The following RAB14 variants were observed in gnomAD, a reference collection of about 807,000 sequenced individuals.
RAB14 encodes the protein RAB14, member RAS oncogene family, also known as ras-related protein Rab-14.
Under a neutral mutation model 31.1 loss-of-function variants are expected in RAB14, and 3 were observed. The observed-to-expected ratio is 0.10, with a 90% CI of 0.04 to 0.25. The LOEUF is 0.25. Among genes scored for constraint, RAB14 ranks in the 10% least tolerant of loss-of-function variants. RAB14 has a pLI of 1.00. For synonymous variants in RAB14, 85 were observed against 84.9 expected (o/e 1.00, Z 0.00); for missense variants, 111 against 260.1 (o/e 0.43, Z 3.94).
chr9:121,193,462 T>C (rs752655440), intron 1 of RAB14, 43 bp from the exon 2 acceptor site: 13 of 1,313,618 alleles, frequency 9.9e-6, no homozygotes, highest in Middle Eastern at 1.9e-4. Flanking sequence ...GGAAAGCATA[T>C]ACAAGTAATT....
intron 4 of RAB14, among the ~76,000 whole-genome samples, chr9:121,188,738 C>T (rs570056956): frequency 6.6e-6 from 1 of 152,132 alleles, no homozygotes; most frequent in East Asian, 1.9e-4. Flanking sequence ...ACCAAAGTCA[C>T]TATAAAGTAT....
At chr9:121,192,869 T>C (rs2053694621) in intron 2 of RAB14, among the ~76,000 whole-genome samples, 1 of 152,132 alleles carries the variant, frequency 6.6e-6, no homozygotes, top group African/African-American at 2.4e-5. Context: ...TGTAGTTTTA[T>C]GTTTGGATAA....
rs1033101445 is a variant in RAB14 at position 121,181,660 on chromosome 9, G to A, written c.471-87C>T. ...ACCTTTTGCTAATCTTTAGTTAACT[G>A]CCATGATGTCTCCAACTTAACCACT... On this transcript the variant is annotated intron_variant, in intron 7 of 7. Coordinates refer to ENST00000373840, the MANE Select transcript of RAB14 (RefSeq NM_016322.4). 5 of 1,056,532 alleles carry A rather than the reference G, an allele frequency of 4.7e-6. No individual in the cohort carries two copies. The African/African-American group carries it at 7.9e-5, about 17-fold the overall frequency. 65.4% of individuals were successfully genotyped at this position (1,056,532 alleles called of 1,614,324 possible).
chr9:121,188,268 T>TAC (rs1445135365), intron 4 of RAB14, among the ~76,000 whole-genome samples: 2 of 152,016 alleles, frequency 1.3e-5, no homozygotes, highest in Non-Finnish European at 1.5e-5. Context: ...CTTGACTTTA[T>TAC]ACAACAGGTA....
At chr9:121,194,732 A>G (rs1482778984) in intron 1 of RAB14, among the ~76,000 whole-genome samples, 1 of 152,180 alleles carries the variant, frequency 6.6e-6, no homozygotes, top group African/African-American at 2.4e-5. Context: ...TGAAATTATC[A>G]CCTTACTATA....
chr9:121,194,363 G>T (rs913946887), intron 1 of RAB14, among the ~76,000 whole-genome samples: 2 of 152,150 alleles, frequency 1.3e-5, no homozygotes, highest in Non-Finnish European at 2.9e-5. Context: ...TATTTCAAAA[G>T]ATCACAGCCC....
At chr9:121,200,417 G>T (rs187685423) in intron 1 of RAB14, among the ~76,000 whole-genome samples, 10 of 152,278 alleles carry the variant, frequency 6.6e-5, no homozygotes, top group Admixed American at 6.5e-4. Flanking sequence ...AGTAAACTTT[G>T]CAAGAGTTCA....
Position 121,186,583 on chromosome 9 carries a change from T to C in RAB14, c.351+370A>G, listed in dbSNP as rs2053660366. Among the ~76,000 whole-genome samples the C allele has an allele frequency of 1.3e-5, 2 of 152,146 alleles. 1 individual carries two copies. The highest frequency in any genetic ancestry group is 4.1e-4 in the South Asian group (2 of 4,834). ...GGTAACGCAGATTCACATGCAGTTG[T>C]AAAAAACAGTACAGAAAGATCTCTT... On this transcript the variant is annotated intron_variant, in intron 5 of 7. Transcript: ENST00000373840.
At chr9:121,188,276 G>C (rs2053668485) in intron 4 of RAB14, among the ~76,000 whole-genome samples, 1 of 151,826 alleles carries the variant, frequency 6.6e-6, no homozygotes, top group African/African-American at 2.4e-5. Flanking sequence ...TATACAACAG[G>C]TATGTTTTAC....
At chr9:121,187,153 T>G (rs1431277450) in intron 4 of RAB14, 134 bp from the exon 5 acceptor site, 1 of 483,076 alleles carries the variant, frequency 2.1e-6, no homozygotes, top group Non-Finnish European at 3.5e-6. Context: ...GAACAGTAGT[T>G]GTGAAATACA....
Position 121,181,276 on chromosome 9 carries a change from T to C in RAB14, c.*120A>G. The C allele has an allele frequency of 9.1e-7, 1 of 1,100,076 alleles. No homozygotes were observed. The highest frequency in any genetic ancestry group is 1.2e-6 in the Non-Finnish European group (1 of 806,368). 68.1% of individuals were successfully genotyped at this position (1,100,076 alleles called of 1,614,324 possible). A position where few individuals can be genotyped will look rare whatever the true frequency, so the allele number is the denominator to read the frequency against. ...GTGTTAAACTGTTTTTACAACAGAGTTTTTTCTTTTTTTTTAATTAAACCC... is the reference window on the plus strand; with the variant it reads ...GTGTTAAACTGTTTTTACAACAGAGCTTTTTCTTTTTTTTTAATTAAACCC... On this transcript the variant is annotated 3_prime_UTR_variant, in exon 8 of 8. Transcript: ENST00000373840.
rs548377280 is a variant in RAB14 at position 121,178,861 on chromosome 9, A to G, written c.*2535T>C. 4.6e-5 allele frequency: 7 copies of G among 152,390 alleles called. No homozygotes were observed. Among genetic ancestry groups the G allele is most frequent in the Admixed American group, 4.6e-4 (7 of 15,306 alleles). The allele number at this position is 152,390 out of a possible 1,614,324, so 9.4% of individuals were successfully genotyped here. A position where few individuals can be genotyped will look rare whatever the true frequency, so the allele number is the denominator to read the frequency against. On this transcript the variant is annotated 3_prime_UTR_variant, in exon 8 of 8. Coordinates refer to ENST00000373840, the MANE Select transcript of RAB14 (RefSeq NM_016322.4). ...GCAACCTCAAGAGGCAGGTGACTGCACAAGCAGTAAGCTATGGATTAAAAA... is the reference window on the plus strand; with the variant it reads ...GCAACCTCAAGAGGCAGGTGACTGCGCAAGCAGTAAGCTATGGATTAAAAA...
At chr9:121,193,532 G>A in intron 1 of RAB14, 113 bp from the exon 2 acceptor site, 1 of 680,602 alleles carries the variant, frequency 1.5e-6, no homozygotes, top group South Asian at 1.8e-5. Context: ...AACAAATGTT[G>A]GTTACAGTAA....
rs905772208 is a variant in RAB14, at chr9:121,181,388, A to G, written c.*8T>C. On this transcript the variant is annotated 3_prime_UTR_variant, in exon 8 of 8. Coordinates refer to ENST00000373840, the MANE Select transcript of RAB14 (RefSeq NM_016322.4). ...AAGGTCAAATGAGGGGCCACAGCAA[A>G]GAGGTCACTAGCAGCCACAGCCTTC... The G allele has an allele frequency of 1.3e-6, 2 of 1,583,878 alleles. No individual in the cohort carries two copies. The highest frequency in any genetic ancestry group is 8.6e-7 in the Non-Finnish European group (1 of 1,158,392).
At chr9:121,198,938 T>TAA (rs5900475) in intron 1 of RAB14, among the ~76,000 whole-genome samples, 207 of 150,432 alleles carry the variant, frequency 1.4e-3, no homozygotes, top group Middle Eastern at 3.4e-3. Context: ...CCCACCCACT[T>TAA]AAAAAAAAAA....
chr9:121,192,134 G>A, intron 3 of RAB14, 37 bp downstream of exon 3: 2 of 1,404,654 alleles, frequency 1.4e-6, no homozygotes, highest in Non-Finnish European at 2.0e-6. Flanking sequence ...TGGCGATAAA[G>A]AAAACTATTA....
At chr9:121,186,219 G>A (rs2053658313) in intron 5 of RAB14, among the ~76,000 whole-genome samples, 1 of 152,088 alleles carries the variant, frequency 6.6e-6, no homozygotes, top group Non-Finnish European at 1.5e-5. Flanking sequence ...CCACTCCTCT[G>A]TAAAGCTGCT....
Position 121,179,373 on chromosome 9 carries a change from A to T in RAB14, c.*2023T>A, listed in dbSNP as rs558941037. On this transcript the variant is annotated 3_prime_UTR_variant, in exon 8 of 8. Coordinates refer to ENST00000373840, the MANE Select transcript of RAB14 (RefSeq NM_016322.4). ...TGTTACATCAAATGAAGAGTACAGC[A>T]GTCTGAATAAATCCTTCAGTCACAA... The T allele has an allele frequency of 1.3e-5, 2 of 152,788 alleles. No homozygotes were observed. The highest frequency in any genetic ancestry group is 4.8e-5 in the African/African-American group (2 of 41,588). 9.5% of individuals were successfully genotyped at this position (152,788 alleles called of 1,614,324 possible).
intron 5 of RAB14, among the ~76,000 whole-genome samples, chr9:121,184,816 A>T (rs1279942561): frequency 1.3e-5 from 2 of 152,250 alleles, no homozygotes; most frequent in Non-Finnish European, 2.9e-5. Context: ...AAATAATGAT[A>T]CTTAAAAAGG....
Sources: allele counts gnomAD v4.1 joint callset (sites outside exome capture counted in the v4.1 genomes callset), GRCh38; gene constraint gnomAD v4.1.1; transcripts MANE v1.5; gene names NCBI Gene and HGNC (gene_info 2026-07-23, HGNC 2026-07-21).